The following MTUS2 variants were observed in gnomAD, a reference collection of about 807,000 sequenced individuals.
MTUS2 encodes the protein microtubule associated scaffold protein 2.
A neutral mutation model predicts 114.1 loss-of-function variants in MTUS2; 40 were observed. The ratio of observed to expected loss-of-function variants is 0.35; its 90% CI spans 0.27 to 0.46. The LOEUF is 0.46. MTUS2 is among the 20% of genes least tolerant of loss of function. The probability of loss-of-function intolerance (pLI) is 1.00; values close to 1 mark genes in which losing one functional copy is unlikely to be tolerated. For missense variants in MTUS2, 1,679 were observed against 1,705.4 expected (o/e 0.98, Z 0.27); for synonymous variants, 688 against 672.0 (o/e 1.02, Z -0.37).
At chr13:29,350,011 G>A (rs142410512) in intron 7 of MTUS2, among the ~76,000 whole-genome samples, 1,639 of 152,114 alleles carry the variant, frequency 0.011, 16 homozygotes, top group Non-Finnish European at 0.017. Context: ...GCCTCTTCAA[G>A]TTGCCCCAGA....
At chr13:29,303,150 G>C (rs1593280066) in intron 6 of MTUS2, among the ~76,000 whole-genome samples, 1 of 152,300 alleles carries the variant, frequency 6.6e-6, no homozygotes, top group East Asian at 1.9e-4. Flanking sequence ...CTCATTCAAA[G>C]GTCAGCAACC....
intron 2 of MTUS2, among the ~76,000 whole-genome samples, chr13:28,903,487 C>A (rs1390485552): frequency 1.4e-5 from 2 of 142,900 alleles, no homozygotes; most frequent in African/African-American, 2.6e-5. Flanking sequence ...TTGTTCAATT[C>A]CCACCTATGA....
intron 2 of MTUS2, among the ~76,000 whole-genome samples, chr13:29,005,608 G>A (rs1202057181): frequency 6.6e-6 from 1 of 152,216 alleles, no homozygotes; most frequent in Admixed American, 6.5e-5. Flanking sequence ...TGTAAGCGAG[G>A]CACAGGCAGA....
chr13:29,367,492 G>T (rs986110539), intron 8 of MTUS2, among the ~76,000 whole-genome samples: 1 of 152,206 alleles, frequency 6.6e-6, no homozygotes, highest in African/African-American at 2.4e-5. Flanking sequence ...CTGCAGCGCT[G>T]TGTTTTAGGA....
At chr13:28,995,996 C>T (rs1224976514) in intron 2 of MTUS2, among the ~76,000 whole-genome samples, 1 of 152,118 alleles carries the variant, frequency 6.6e-6, no homozygotes, top group Non-Finnish European at 1.5e-5. Context: ...GGAATGCTTC[C>T]AGTTTTTGTC....
intron 5 of MTUS2, among the ~76,000 whole-genome samples, chr13:29,110,560 A>G (rs1233966394): frequency 1.3e-5 from 2 of 151,994 alleles, no homozygotes; most frequent in Admixed American, 6.6e-5. Flanking sequence ...AAAAAATGGA[A>G]TCATTTTTAG....
intron 5 of MTUS2, among the ~76,000 whole-genome samples, chr13:29,156,518 C>T (rs1009603777): frequency 7.9e-5 from 12 of 152,196 alleles, no homozygotes; most frequent in African/African-American, 2.4e-4. Context: ...TGAGGGGAAG[C>T]AGTGCCAAAT....
intron 5 of MTUS2, among the ~76,000 whole-genome samples, chr13:29,238,954 G>A (rs7998019): frequency 0.76 from 115,443 of 152,078 alleles, 43,944 homozygotes; most frequent in East Asian, 0.89. Flanking sequence ...GGGATGGAGG[G>A]TGGGGTAAAT....
chr13:29,334,098 G>A (rs1389384074), intron 7 of MTUS2, among the ~76,000 whole-genome samples: 2 of 152,024 alleles, frequency 1.3e-5, no homozygotes, highest in East Asian at 3.9e-4. Flanking sequence ...GCCTATGTGT[G>A]TCTTTGCACG....
At chr13:29,010,176 AC>A (rs1885774451) in intron 2 of MTUS2, among the ~76,000 whole-genome samples, 1 of 146,836 alleles carries the variant, frequency 6.8e-6, no homozygotes, top group Non-Finnish European at 1.5e-5. Flanking sequence ...GCACCACTGC[AC>A]TCCAGCCTGG....
At chr13:28,894,678 A>G (rs967660003) in intron 2 of MTUS2, among the ~76,000 whole-genome samples, 6 of 152,236 alleles carry the variant, frequency 3.9e-5, no homozygotes, top group African/African-American at 1.4e-4. Flanking sequence ...AGACTGTATT[A>G]TGTAATGCAT....
chr13:28,869,844 C>G (rs1318093912), intron 2 of MTUS2, among the ~76,000 whole-genome samples: 1 of 152,142 alleles, frequency 6.6e-6, no homozygotes, highest in Non-Finnish European at 1.5e-5. Context: ...TTTTATGTGT[C>G]TGTCTTCTGT....
chr13:29,213,758 T>G (rs377060007), intron 5 of MTUS2, among the ~76,000 whole-genome samples: 7 of 152,284 alleles, frequency 4.6e-5, no homozygotes, highest in African/African-American at 1.7e-4. Context: ...TATAATTAGA[T>G]CTTATATTTT....
intron 4 of MTUS2, among the ~76,000 whole-genome samples, chr13:29,070,931 TTTTGGTATTTTTAA>T (rs1231792971): frequency 6.6e-6 from 1 of 152,168 alleles, no homozygotes; most frequent in Non-Finnish European, 1.5e-5. Context: ...TGAATTTTTG[TTTTGGTATTTTTAA>T]TTTCTAAGAA....
intron 1 of MTUS2, among the ~76,000 whole-genome samples, chr13:28,823,587 C>T (rs949137734): frequency 6.6e-6 from 1 of 152,220 alleles, no homozygotes; most frequent in Admixed American, 6.5e-5. Context: ...TAGTCAGGCT[C>T]CCCTGAGCCC....
chr13:29,367,510 C>T (rs950004889), intron 8 of MTUS2, among the ~76,000 whole-genome samples: 6 of 152,110 alleles, frequency 3.9e-5, no homozygotes, highest in East Asian at 1.9e-4. Flanking sequence ...GGAAGATTAA[C>T]GCAGTTTGAG....
At position 29,492,753 on chromosome 13, in the gene MTUS2, G is replaced by A. The variant is rs563688432; in HGVS notation, c.3579+34G>A. On this transcript the variant is annotated intron_variant, in intron 12 of 15. Coordinates refer to ENST00000612955, the MANE Select transcript of MTUS2 (RefSeq NM_001033602.4). ...TTCTTTAATTTTCTTACCTGGTATCGAGATAATGGCAGCATCATTATTCCC... is the reference window on the plus strand; with the variant it reads ...TTCTTTAATTTTCTTACCTGGTATCAAGATAATGGCAGCATCATTATTCCC... 4.1e-5 allele frequency: 62 copies of A among 1,512,578 alleles called. No individual in the cohort carries two copies. In the East Asian group the frequency reaches 6.5e-4, roughly 16 times the overall value. 93.7% of individuals were successfully genotyped at this position (1,512,578 alleles called of 1,614,324 possible). A position where few individuals can be genotyped will look rare whatever the true frequency, so the allele number is the denominator to read the frequency against.
At chr13:29,014,096 A>G (rs1297387684) in intron 2 of MTUS2, among the ~76,000 whole-genome samples, 1 of 152,138 alleles carries the variant, frequency 6.6e-6, no homozygotes, top group Non-Finnish European at 1.5e-5. Flanking sequence ...TCCATCTCAG[A>G]GCCGTTGTGT....
At chr13:28,935,016 T>TG (rs1451967446) in intron 2 of MTUS2, among the ~76,000 whole-genome samples, 2 of 144,922 alleles carry the variant, frequency 1.4e-5, no homozygotes, top group Admixed American at 6.8e-5. Flanking sequence ...GTTTTTTTTT[T>TG]TTTTTTTTTT....
Sources: allele counts gnomAD v4.1 joint callset (sites outside exome capture counted in the v4.1 genomes callset), GRCh38; gene constraint gnomAD v4.1.1; transcripts MANE v1.5; gene names NCBI Gene and HGNC (gene_info 2026-07-23, HGNC 2026-07-21).